ZNF430: variants seen among roughly 807,000 people sequenced by gnomAD.
ZNF430 encodes the protein zinc finger protein 430.
Under a neutral mutation model 56.7 loss-of-function variants are expected in ZNF430, and 35 were observed. The ratio of observed to expected loss-of-function variants is 0.62; its 90% CI spans 0.47 to 0.82. The LOEUF is 0.82. Among genes scored for constraint, ZNF430 ranks in the 40% least tolerant of loss-of-function variants. The pLI, the probability that ZNF430 is intolerant of heterozygous loss-of-function variation, is 0.00. For missense variants in ZNF430, 574 were observed against 661.0 expected (o/e 0.87, Z 1.44); for synonymous variants, 212 against 224.3 (o/e 0.94, Z 0.49).
At chr19:21,022,957 A>T in intron 2 of ZNF430, 76 bp downstream of exon 2, 2 of 1,079,930 alleles carry the variant, frequency 1.9e-6, no homozygotes, top group Non-Finnish European at 2.9e-6. Context: ...CTGGTCAACC[A>T]ATCAGACTGT....
At position 21,056,970 on chromosome 19, in the gene ZNF430, C is replaced by G; in HGVS notation, c.662C>G (p.Thr221Ser). 3.1e-6 allele frequency: 5 copies of G among 1,613,964 alleles called. No individual in the cohort carries two copies. Among genetic ancestry groups the G allele is most frequent in the Non-Finnish European group, 4.2e-6 (5 of 1,179,910 alleles). ...DKSFCMLLHL[T>S]QHKRIHIREN... is the part of the protein sequence containing the mutation. ...TCGTTTTGCATGCTTTTACACCTAA[C>G]TCAACATAAAAGAATTCATATTAGG... The change falls in exon 5 of 5, where the codon ACT becomes AGT. Residue 221 changes from threonine to serine, a missense_variant. Physicochemically the swap from Thr to Ser is moderately conservative, Grantham distance 58 (BLOSUM62 1). Around this residue, in one of 3 missense-constraint regions of ZNF430, gnomAD observed 346 missense variants for 399.1 expected, o/e 0.87. Coordinates refer to ENST00000261560, the MANE Select transcript of ZNF430 (RefSeq NM_025189.4).
intron 2 of ZNF430, among the ~76,000 whole-genome samples, chr19:21,026,694 A>G (rs1967802354): frequency 6.6e-6 from 1 of 152,062 alleles, no homozygotes; most frequent in Admixed American, 6.6e-5. Flanking sequence ...AAACTTTGCT[A>G]AAGTTGTTTA....
At chr19:21,028,117 G>A (rs150709596) in intron 2 of ZNF430, among the ~76,000 whole-genome samples, 74 of 152,180 alleles carry the variant, frequency 4.9e-4, no homozygotes, top group Non-Finnish European at 8.5e-4. Context: ...TACAGGACAC[G>A]GCCAGACTTT....
chr19:21,039,732 C>T (rs935296891), intron 4 of ZNF430, among the ~76,000 whole-genome samples: 1 of 152,142 alleles, frequency 6.6e-6, no homozygotes, highest in Non-Finnish European at 1.5e-5. Flanking sequence ...TCCCAAAGTG[C>T]TGGCATTACA....
chr19:21,033,437 G>T lies in ZNF430; in HGVS notation c.97-19G>T. 6.2e-7 allele frequency: 1 copy of T among 1,603,796 alleles called. No individual in the cohort carries two copies. The highest frequency in any genetic ancestry group is 8.5e-7 in the Non-Finnish European group (1 of 1,175,768). ...CACTTGGTAAATATACGTGTGTCTT[G>T]TGTGCTTGTGTTTTTCAGGGGCCAT... On this transcript the variant is annotated intron_variant, in intron 2 of 4. Transcript: ENST00000261560.
At chr19:21,052,508 A>AACAC (rs924560980) in intron 4 of ZNF430, among the ~76,000 whole-genome samples, 2 of 152,006 alleles carry the variant, frequency 1.3e-5, no homozygotes, top group East Asian at 3.9e-4. Flanking sequence ...GTAAGATACA[A>AACAC]ACACACACAC....
chr19:21,056,935 A>G lies in ZNF430; in HGVS notation c.627A>G (p.Lys209=). ...HTGKKPFKCK[K]CDKSFCMLLH... Reference sequence around the variant, plus strand: ...GAAAGAAGCCTTTCAAATGTAAAAAATGTGACAAATCGTTTTGCATGCTTT... The same window carrying G: ...GAAAGAAGCCTTTCAAATGTAAAAAGTGTGACAAATCGTTTTGCATGCTTT... The change falls in exon 5 of 5, where the codon AAA becomes AAG. Residue 209 remains lysine, a synonymous_variant. Coordinates refer to ENST00000261560, the MANE Select transcript of ZNF430 (RefSeq NM_025189.4). The G allele has an allele frequency of 6.2e-7, 1 of 1,613,518 alleles. No homozygotes were observed.
chr19:21,055,492 A>G (rs1968358847), intron 4 of ZNF430, among the ~76,000 whole-genome samples: 1 of 150,994 alleles, frequency 6.6e-6, no homozygotes, highest in Admixed American at 6.6e-5. Context: ...TCTGTCTCCC[A>G]GACTGGAGTG....
chr19:21,039,391 G>A (rs1169968219), intron 4 of ZNF430, among the ~76,000 whole-genome samples: 3 of 128,766 alleles, frequency 2.3e-5, no homozygotes, highest in East Asian at 2.5e-4. Flanking sequence ...CACTACACTC[G>A]GCCCATGTGT....
At chr19:21,054,223 C>A (rs901336935) in intron 4 of ZNF430, among the ~76,000 whole-genome samples, 2 of 152,074 alleles carry the variant, frequency 1.3e-5, no homozygotes, top group Admixed American at 1.3e-4. Context: ...TTGTGCATAT[C>A]TTTTCCAGAA....
intron 2 of ZNF430, among the ~76,000 whole-genome samples, chr19:21,032,494 G>A (rs904138789): frequency 2.0e-5 from 3 of 152,114 alleles, no homozygotes; most frequent in Admixed American, 6.5e-5. Context: ...TTGGGAGGGC[G>A]AGGTGGGCGG....
At chr19:21,044,270 T>C (rs1462408907) in intron 4 of ZNF430, among the ~76,000 whole-genome samples, 1 of 152,192 alleles carries the variant, frequency 6.6e-6, no homozygotes, top group Non-Finnish European at 1.5e-5. Context: ...ATACCTAGTT[T>C]ATTGAGCATT....
Position 21,056,674 on chromosome 19 carries a change from C to T in ZNF430, c.366C>T (p.Gly122=). 6.3e-7 allele frequency: 1 copy of T among 1,585,530 alleles called. No homozygotes were observed. The highest frequency in any genetic ancestry group is 1.2e-5 in the South Asian group (1 of 85,674). ...CCCAAGACCTTTGGCCAGAGCAGGGCATAAAAGATTCTTTCCAAGAAGTCA... is the reference window on the plus strand; with the variant it reads ...CCCAAGACCTTTGGCCAGAGCAGGGTATAAAAGATTCTTTCCAAGAAGTCA... The part of the protein sequence containing the change: ...HFAQDLWPEQ[G]IKDSFQEVIL... Residue 122 remains glycine, a synonymous_variant, in exon 5 of 5, where the codon GGC becomes GGT. Transcript: ENST00000261560.
chr19:21,048,778 A>G (rs1034953393), intron 4 of ZNF430, among the ~76,000 whole-genome samples: 7 of 151,490 alleles, frequency 4.6e-5, no homozygotes, highest in African/African-American at 1.7e-4. Context: ...GGCGCCCCCC[A>G]CCTCCCGGAC....
intron 4 of ZNF430, chr19:21,035,896 ATATATAATGGTCCT>A (rs1387339844): frequency 6.6e-6 from 1 of 152,432 alleles, no homozygotes; most frequent in East Asian, 1.9e-4. Flanking sequence ...AGTCAGGTTC[ATATATAATGGTCCT>A]TATATCAGGA....
At chr19:21,050,454 T>TA (rs1429004743) in intron 4 of ZNF430, among the ~76,000 whole-genome samples, 1 of 152,228 alleles carries the variant, frequency 6.6e-6, no homozygotes, top group East Asian at 1.9e-4. Flanking sequence ...CCAATATAAT[T>TA]ATCTCTTTTT....
At chr19:21,025,390 G>A (rs984292449) in intron 2 of ZNF430, among the ~76,000 whole-genome samples, 6 of 152,158 alleles carry the variant, frequency 3.9e-5, no homozygotes, top group African/African-American at 1.4e-4. Context: ...GTTTTGGTGA[G>A]TTTTATCCAC....
chr19:21,041,184 G>A (rs1333502274), intron 4 of ZNF430, among the ~76,000 whole-genome samples: 1 of 152,148 alleles, frequency 6.6e-6, no homozygotes, highest in Non-Finnish European at 1.5e-5. Context: ...CTGGTTTGCA[G>A]TGGCATGATT....
intron 4 of ZNF430, among the ~76,000 whole-genome samples, chr19:21,054,736 C>T (rs12150909): frequency 0.073 from 10,105 of 137,544 alleles, 410 homozygotes; most frequent in Non-Finnish European, 0.086. Context: ...AGTGCAGTGG[C>T]GCATCTCCGC....
Sources: allele counts gnomAD v4.1 joint callset (sites outside exome capture counted in the v4.1 genomes callset), GRCh38; gene constraint gnomAD v4.1.1; regional missense constraint gnomAD v4.1.1; transcripts MANE v1.5; gene names NCBI Gene and HGNC (gene_info 2026-07-23, HGNC 2026-07-21).